EDIL3: variants seen among roughly 807,000 people sequenced by gnomAD.
EDIL3 encodes the protein EGF like and discoidin domains 3, also known as EGF-like repeat and discoidin I-like domain-containing protein 3.
In EDIL3, 37 loss-of-function variants were observed where a neutral mutation model predicts 67.4. The observed-to-expected ratio is 0.55, with a 90% CI of 0.42 to 0.72. The LOEUF is 0.72. Ranked by LOEUF, EDIL3 falls within the 30% of genes least tolerant of loss-of-function variation. The probability of loss-of-function intolerance (pLI) is 0.00; values close to 1 mark genes in which losing one functional copy is unlikely to be tolerated. For synonymous variants in EDIL3, 195 were observed against 196.3 expected, an observed-to-expected ratio of 0.99 and a Z score of 0.05; for missense variants, 527 against 586.3, an observed-to-expected ratio of 0.90 and a Z score of 1.04.
At chr5:84,153,093 G>A (rs1194571617) in intron 4 of EDIL3, among the ~76,000 whole-genome samples, 2 of 151,884 alleles carry the variant, frequency 1.3e-5, no homozygotes, top group African/African-American at 2.4e-5. Flanking sequence ...ATTTTATTCT[G>A]TTCATTACCA....
At chr5:84,045,368 C>G (rs1008757876) in intron 9 of EDIL3, among the ~76,000 whole-genome samples, 1 of 152,054 alleles carries the variant, frequency 6.6e-6, no homozygotes, top group Admixed American at 6.5e-5. Flanking sequence ...AGACACATAT[C>G]AGAAACTGTC....
At chr5:84,370,218 A>G (rs1747815741) in intron 1 of EDIL3, among the ~76,000 whole-genome samples, 1 of 152,232 alleles carries the variant, frequency 6.6e-6, no homozygotes, top group Admixed American at 6.5e-5. Flanking sequence ...AGGTAGAAAT[A>G]CAGTTGCCTA....
chr5:84,048,992 G>T (rs923688629), intron 9 of EDIL3, among the ~76,000 whole-genome samples: 1 of 152,042 alleles, frequency 6.6e-6, no homozygotes, highest in Non-Finnish European at 1.5e-5. Flanking sequence ...AAGTAAAAAA[G>T]AAATTAATCT....
chr5:84,230,026 C>T (rs1744538371), intron 2 of EDIL3, 142 bp from the exon 3 acceptor site: 1 of 700,688 alleles, frequency 1.4e-6, no homozygotes, highest in Admixed American at 3.4e-5. Flanking sequence ...CTACAAGCCC[C>T]TGACTTGTAA....
At chr5:84,203,644 A>G (rs1395939045) in intron 3 of EDIL3, among the ~76,000 whole-genome samples, 1 of 152,174 alleles carries the variant, frequency 6.6e-6, no homozygotes, top group African/African-American at 2.4e-5. Context: ...CACATAACTG[A>G]GTGACTATTA....
intron 4 of EDIL3, among the ~76,000 whole-genome samples, chr5:84,177,210 T>C (rs1011150459): frequency 6.6e-6 from 1 of 152,136 alleles, no homozygotes; most frequent in African/African-American, 2.4e-5. Context: ...ATGCCAAATT[T>C]ATAAACAAAC....
intron 3 of EDIL3, among the ~76,000 whole-genome samples, chr5:84,186,647 G>T (rs1054277066): frequency 2.0e-5 from 3 of 151,856 alleles, no homozygotes; most frequent in African/African-American, 7.2e-5. Flanking sequence ...ATTAAGAATC[G>T]GCCATATTCT....
intron 9 of EDIL3, among the ~76,000 whole-genome samples, chr5:84,016,483 A>T (rs540363067): frequency 6.6e-6 from 1 of 152,264 alleles, no homozygotes; most frequent in South Asian, 2.1e-4. Context: ...AACACAATAC[A>T]GGTTGTGCAT....
At chr5:84,215,638 T>C (rs1418287681) in intron 3 of EDIL3, among the ~76,000 whole-genome samples, 2 of 152,168 alleles carry the variant, frequency 1.3e-5, no homozygotes, top group African/African-American at 4.8e-5. Flanking sequence ...GTGAACTTTT[T>C]AGAGACAAAG....
intron 4 of EDIL3, among the ~76,000 whole-genome samples, chr5:84,145,622 A>G (rs549155557): frequency 6.6e-6 from 1 of 152,206 alleles, no homozygotes; most frequent in Non-Finnish European, 1.5e-5. Context: ...ATTTATGTTG[A>G]GTCCATATCA....
intron 1 of EDIL3, among the ~76,000 whole-genome samples, chr5:84,319,357 G>A (rs544847052): frequency 0.019 from 2,117 of 110,840 alleles, 561 homozygotes; most frequent in Non-Finnish European, 0.025. Flanking sequence ...CCAGCTACTC[G>A]GGAGGCTGAG....
chr5:84,136,366 T>C (rs1580344034), intron 5 of EDIL3, among the ~76,000 whole-genome samples: 1 of 152,236 alleles, frequency 6.6e-6, no homozygotes, highest in African/African-American at 2.4e-5. Flanking sequence ...TTTCCTCTAA[T>C]TGTCCAACAA....
chr5:84,172,205 T>A (rs966466937), intron 4 of EDIL3, among the ~76,000 whole-genome samples: 2 of 152,180 alleles, frequency 1.3e-5, no homozygotes, highest in Non-Finnish European at 2.9e-5. Flanking sequence ...GGAAGTTTCT[T>A]TGGAGGTCTT....
intron 5 of EDIL3, among the ~76,000 whole-genome samples, chr5:84,115,103 T>C (rs896524306): frequency 4.6e-5 from 7 of 152,232 alleles, no homozygotes; most frequent in Admixed American, 2.6e-4. Context: ...ATTAGTCCTC[T>C]GAATGTAGAT....
intron 1 of EDIL3, among the ~76,000 whole-genome samples, chr5:84,368,828 T>C (rs1426681753): frequency 6.6e-6 from 1 of 151,854 alleles, no homozygotes; most frequent in African/African-American, 2.4e-5. Flanking sequence ...ACAGATGTTT[T>C]CCCATAGAAG....
intron 3 of EDIL3, among the ~76,000 whole-genome samples, chr5:84,215,402 C>T (rs1296276343): frequency 2.6e-5 from 4 of 151,638 alleles, no homozygotes; most frequent in African/African-American, 4.8e-5. Flanking sequence ...TACAGGCGCC[C>T]GCCACCACAC....
intron 6 of EDIL3, among the ~76,000 whole-genome samples, chr5:84,085,737 T>G (rs1747057716): frequency 6.6e-6 from 1 of 152,170 alleles, no homozygotes; most frequent in Non-Finnish European, 1.5e-5. Context: ...CAGGATCAGC[T>G]GCTCTCTTCA....
intron 5 of EDIL3, among the ~76,000 whole-genome samples, chr5:84,136,456 A>C (rs933389467): frequency 1.3e-5 from 2 of 152,064 alleles, no homozygotes; most frequent in African/African-American, 4.8e-5. Context: ...TAGTCCTGTT[A>C]CTACTTTTTT....
intron 2 of EDIL3, among the ~76,000 whole-genome samples, chr5:84,245,914 TAA>T (rs35831418): frequency 0.61 from 87,463 of 143,956 alleles, 26,464 homozygotes; most frequent in East Asian, 0.94. Context: ...TTCTAAAATG[TAA>T]AAAAAAAAAA....
Sources: gnomAD v4.1 joint callset for allele counts (sites outside exome capture counted in the v4.1 genomes callset) on GRCh38, gnomAD v4.1.1 for gene constraint, MANE v1.5 for transcripts, NCBI Gene and HGNC (gene_info 2026-07-23, HGNC 2026-07-21) for gene names.